Variants in KCNQ1 observed in about 807,000 individuals in gnomAD.
The protein encoded by KCNQ1 is potassium voltage-gated channel subfamily KQT member 1.
In KCNQ1, 49 loss-of-function variants were observed where a neutral mutation model predicts 72.4. That is an observed-to-expected ratio of 0.68 (90% CI 0.54 to 0.86). The LOEUF (loss-of-function observed/expected upper bound fraction) is 0.86, where lower values mean the gene tolerates loss of function less well. Among genes scored for constraint, KCNQ1 ranks in the 40% least tolerant of loss-of-function variants. KCNQ1 has a pLI of 0.00. For missense variants in KCNQ1, 790 were observed against 945.1 expected (o/e 0.84, Z 2.15); for synonymous variants, 450 against 412.6 (o/e 1.09, Z -1.10).
intron 1 of KCNQ1, among the ~76,000 whole-genome samples, chr11:2,469,058 G>T (rs866570647): frequency 6.6e-6 from 1 of 152,134 alleles, no homozygotes; most frequent in African/African-American, 2.4e-5. Flanking sequence ...TAGTTCCTCT[G>T]TCTCCTTGTC....
At chr11:2,574,689 T>G (rs1039964980) in intron 6 of KCNQ1, among the ~76,000 whole-genome samples, 4 of 152,124 alleles carry the variant, frequency 2.6e-5, no homozygotes, top group Non-Finnish European at 5.9e-5. Context: ...CAACCGCCGC[T>G]TCCCCCATGA....
chr11:2,578,451 A>G (rs1431972144), intron 6 of KCNQ1, among the ~76,000 whole-genome samples: 2 of 152,148 alleles, frequency 1.3e-5, no homozygotes, highest in African/African-American at 4.8e-5. Flanking sequence ...GAGAGGGGAC[A>G]CCTGCCTGGA....
At position 2,495,755 on chromosome 11, in the gene KCNQ1, A is replaced by G. The variant is rs1288067282; in HGVS notation, c.387-32173A>G. Among the ~76,000 whole-genome samples the G allele has an allele frequency of 6.6e-6, 1 of 152,170 alleles. No homozygotes were observed. Among genetic ancestry groups the G allele is most frequent in the African/African-American group, 2.4e-5 (1 of 41,424 alleles). ...ATTTGCTGAGGAGTGTTTTACTTCC[A>G]GTTATGTGGTCAATTTTAGAATAAG... On this transcript the variant is annotated intron_variant, in intron 1 of 15. Transcript: ENST00000155840. This position sits in a 1 kb window ranked among gnomAD's most constrained non-coding sequence, Gnocchi z 4.6.
In KCNQ1 at chr11:2,566,523, C is replaced by T. The variant is rs1848250521; in HGVS notation, c.478-4105C>T. Among the ~76,000 whole-genome samples the T allele has an allele frequency of 2.0e-5, 3 of 152,106 alleles. No individual in the cohort carries two copies. ...CCCCCATTATGTGGGTCTGTGTTTG[C>T]TCTGTGCACGTCTCGGTGCCCAGAT... On this transcript the variant is annotated intron_variant, in intron 2 of 15. Transcript: ENST00000155840. This position sits in a 1 kb window ranked among gnomAD's most constrained non-coding sequence, Gnocchi z 6.7.
Position 2,484,813 on chromosome 11 carries a change from A to G in KCNQ1, c.386+39329A>G, listed in dbSNP as rs1276463015. ...CGTCTACGCTTCTGTGTTCATCTGC[A>G]GATATATTCATACATGAGTGGGCTC... On this transcript the variant is annotated intron_variant, in intron 1 of 15. Transcript: ENST00000155840. This position sits in a 1 kb window ranked among gnomAD's most constrained non-coding sequence, Gnocchi z 5.2. Among the ~76,000 whole-genome samples the G allele has an allele frequency of 6.6e-6, 1 of 152,190 alleles. No individual in the cohort carries two copies. Among genetic ancestry groups the G allele is most frequent in the African/African-American group, 2.4e-5 (1 of 41,452 alleles).
Position 2,652,534 on chromosome 11 carries a change from G to A in KCNQ1, c.1394-9427G>A, listed in dbSNP as rs1331686030. 7.5e-6 allele frequency: 3 copies of A among 398,602 alleles called. No individual in the cohort carries two copies. The highest frequency in any genetic ancestry group is 2.1e-5 in the African/African-American group (1 of 48,754). 24.7% of individuals were successfully genotyped at this position (398,602 alleles called of 1,614,324 possible). Reference sequence around the variant, plus strand: ...TCCTGTGAGCTCAACTCTTGGAGAAGATAGTGCTTAACCCAGATTCCATTG... The same window carrying A: ...TCCTGTGAGCTCAACTCTTGGAGAAAATAGTGCTTAACCCAGATTCCATTG... On this transcript the variant is annotated intron_variant, in intron 10 of 15. Coordinates refer to ENST00000155840, the MANE Select transcript of KCNQ1 (RefSeq NM_000218.3). The surrounding 1 kb of genome is among the most constrained non-coding windows in gnomAD (Gnocchi z 5.9).
At chr11:2,530,041 T>C (rs952567826) in intron 2 of KCNQ1, among the ~76,000 whole-genome samples, 2 of 152,212 alleles carry the variant, frequency 1.3e-5, no homozygotes, top group African/African-American at 4.8e-5. Flanking sequence ...CCTATCACAT[T>C]GTACTCTCAT....
At position 2,481,933 on chromosome 11, in the gene KCNQ1, C is replaced by G. The variant is rs916970961; in HGVS notation, c.386+36449C>G. Among the ~76,000 whole-genome samples, 4 of 152,182 alleles carry G rather than the reference C, an allele frequency of 2.6e-5. No individual in the cohort carries two copies. Among genetic ancestry groups the G allele is most frequent in the Admixed American group, 6.5e-5 (1 of 15,270 alleles). ...AATGCAAGTAATGTGCTTGAATCAT[C>G]CCAGAACCACCCACACCACTGGTCT... On this transcript the variant is annotated intron_variant, in intron 1 of 15. Transcript: ENST00000155840. The surrounding 1 kb of genome is among the most constrained non-coding windows in gnomAD (Gnocchi z 4.6).
chr11:2,698,639 C>G lies in KCNQ1; in HGVS notation c.1514+36558C>G, dbSNP rs1023167546. 6.5e-5 allele frequency: 26 copies of G among 398,486 alleles called. No homozygotes were observed. Among genetic ancestry groups the G allele is most frequent in the Middle Eastern group, 6.2e-4 (1 of 1,610 alleles). 24.7% of individuals were successfully genotyped at this position (398,486 alleles called of 1,614,324 possible). A position where few individuals can be genotyped will look rare whatever the true frequency, so the allele number is the denominator to read the frequency against. On this transcript the variant is annotated intron_variant, in intron 11 of 15. Coordinates refer to ENST00000155840, the MANE Select transcript of KCNQ1 (RefSeq NM_000218.3). The surrounding 1 kb of genome is among the most constrained non-coding windows in gnomAD (Gnocchi z 5.1). ...TCCCATACCCCACTGAGACCTCTAA[C>G]CCCAATCCCAATCTCTTAACTCAGA...
In KCNQ1 at chr11:2,658,241, A is replaced by G. The variant is rs1849886916; in HGVS notation, c.1394-3720A>G. The G allele has an allele frequency of 5.0e-6, 2 of 398,444 alleles. No homozygotes were observed. Among genetic ancestry groups the G allele is most frequent in the Admixed American group, 8.8e-5 (2 of 22,710 alleles). 24.7% of individuals were successfully genotyped at this position (398,444 alleles called of 1,614,324 possible). ...CATGGATCGTTTTCCTGCAGCAAAT[A>G]TTACCGTGATGTACTTCTATTTTCC... On this transcript the variant is annotated intron_variant, in intron 10 of 15. Transcript: ENST00000155840. This position sits in a 1 kb window ranked among gnomAD's most constrained non-coding sequence, Gnocchi z 4.9.
At position 2,565,054 on chromosome 11, in the gene KCNQ1, T is replaced by C. The variant is rs1366028434; in HGVS notation, c.478-5574T>C. 6.6e-6 allele frequency among the ~76,000 whole-genome samples: 1 copy of C among 152,206 alleles called. No individual in the cohort carries two copies. The highest frequency in any genetic ancestry group is 1.5e-5 in the Non-Finnish European group (1 of 68,042). ...TGTTGCTGCTGTGGACATGGGTGTG[T>C]ATGGATCTCCTTTAAAGAGACCGGG... On this transcript the variant is annotated intron_variant, in intron 2 of 15. Coordinates refer to ENST00000155840, the MANE Select transcript of KCNQ1 (RefSeq NM_000218.3). The surrounding 1 kb of genome is among the most constrained non-coding windows in gnomAD (Gnocchi z 5.6).
In KCNQ1 at chr11:2,473,851, C is replaced by T. The variant is rs916062993; in HGVS notation, c.386+28367C>T. Reference sequence around the variant, plus strand: ...GTGGCACCAGCTGGGCAGACAGCCGCATGCGCTCACCACTCGCCCTCCACA... The same window carrying T: ...GTGGCACCAGCTGGGCAGACAGCCGTATGCGCTCACCACTCGCCCTCCACA... On this transcript the variant is annotated intron_variant, in intron 1 of 15. Coordinates refer to ENST00000155840, the MANE Select transcript of KCNQ1 (RefSeq NM_000218.3). This position sits in a 1 kb window ranked among gnomAD's most constrained non-coding sequence, Gnocchi z 6.0. 6.6e-6 allele frequency among the ~76,000 whole-genome samples: 1 copy of T among 152,236 alleles called. No homozygotes were observed. The highest frequency in any genetic ancestry group is 2.4e-5 in the African/African-American group (1 of 41,466).
rs192469620 is a variant in KCNQ1, at chr11:2,659,139, A to G, written c.1394-2822A>G. 1,795 of 398,408 alleles carry G rather than the reference A, an allele frequency of 4.5e-3. 6 individuals are homozygous for G. The highest frequency in any genetic ancestry group is 5.8e-3 in the Non-Finnish European group (1,308 of 226,006). The allele number at this position is 398,408 out of a possible 1,614,324, so 24.7% of individuals were successfully genotyped here. A position where few individuals can be genotyped will look rare whatever the true frequency, so the allele number is the denominator to read the frequency against. The stretch of plus-strand genomic sequence containing the variant: ...TTTAAATTTGCATACAGTAAAATCC[A>G]CTCTTTGAGATTCAGTTCTGTGGGT... On this transcript the variant is annotated intron_variant, in intron 10 of 15. Coordinates refer to ENST00000155840, the MANE Select transcript of KCNQ1 (RefSeq NM_000218.3). The surrounding 1 kb of genome is among the most constrained non-coding windows in gnomAD (Gnocchi z 4.3).
intron 1 of KCNQ1, among the ~76,000 whole-genome samples, chr11:2,466,755 CAG>C (rs997164031): frequency 2.2e-4 from 33 of 152,174 alleles, no homozygotes; most frequent in African/African-American, 7.7e-4. Context: ...CTCATGAGAA[CAG>C]GGCTGAGCTC....
At chr11:2,838,446 G>GTTA (rs1848130294) in intron 15 of KCNQ1, among the ~76,000 whole-genome samples, 1 of 107,406 alleles carries the variant, frequency 9.3e-6, no homozygotes, top group African/African-American at 2.8e-5. Context: ...GCCACTGAGG[G>GTTA]TTAGAGCCTA....
At chr11:2,469,745 C>T (rs1240933748) in intron 1 of KCNQ1, among the ~76,000 whole-genome samples, 3 of 152,130 alleles carry the variant, frequency 2.0e-5, no homozygotes, top group African/African-American at 7.2e-5. Context: ...GCGATCTCGG[C>T]TCACTGCAAG....
In KCNQ1 at chr11:2,813,103, T is replaced by C. The variant is rs1397946531; in HGVS notation, c.1795-34664T>C. 6.6e-6 allele frequency among the ~76,000 whole-genome samples: 1 copy of C among 152,248 alleles called. No individual in the cohort carries two copies. Among genetic ancestry groups the C allele is most frequent in the Non-Finnish European group, 1.5e-5 (1 of 68,042 alleles). On this transcript the variant is annotated intron_variant, in intron 15 of 15. Transcript: ENST00000155840. This position sits in a 1 kb window ranked among gnomAD's most constrained non-coding sequence, Gnocchi z 4.4. ...AGCACCATCTCTCCTGTGAGAACCCTGTGCCTAGAACGGAGCCTGGTACAG... is the reference window on the plus strand; with the variant it reads ...AGCACCATCTCTCCTGTGAGAACCCCGTGCCTAGAACGGAGCCTGGTACAG...
chr11:2,843,248 A>G (rs1050297335), intron 15 of KCNQ1, among the ~76,000 whole-genome samples: 10 of 152,236 alleles, frequency 6.6e-5, no homozygotes, highest in Non-Finnish European at 2.9e-5. Flanking sequence ...CCGCGACCTT[A>G]CCACGTGCTG....
At chr11:2,523,679 G>A (rs974422472) in intron 1 of KCNQ1, among the ~76,000 whole-genome samples, 1 of 151,680 alleles carries the variant, frequency 6.6e-6, no homozygotes, top group African/African-American at 2.4e-5. Context: ...ATTGCATCAC[G>A]GTGCCCCTGT....
Sources: allele counts gnomAD v4.1 joint callset (sites outside exome capture counted in the v4.1 genomes callset), GRCh38; gene constraint gnomAD v4.1.1; non-coding constraint Gnocchi (gnomAD v3.1); transcripts MANE v1.5; gene names NCBI Gene and HGNC (gene_info 2026-07-23, HGNC 2026-07-21).